SYDE2: variants seen among roughly 807,000 people sequenced by gnomAD.
The protein encoded by SYDE2 is synapse defective Rho GTPase homolog 2.
In SYDE2, 76 loss-of-function variants were observed where a neutral mutation model predicts 91.5. The observed-to-expected ratio is 0.83, with a 90% CI of 0.69 to 1.01. The LOEUF is 1.01. Ranked by LOEUF, SYDE2 falls within the 50% of genes least tolerant of loss-of-function variation. The probability of loss-of-function intolerance (pLI) is 0.00; values close to 1 mark genes in which losing one functional copy is unlikely to be tolerated. For synonymous variants in SYDE2, 513 were observed against 506.4 expected (o/e 1.01, Z -0.18); for missense variants, 1,364 against 1,367.7 (o/e 1.00, Z 0.04).
At position 85,182,435 on chromosome 1, in the gene SYDE2, A is replaced by AT. The variant is rs767032747; in HGVS notation, c.2206dup (p.Ile736AsnfsTer2). On this transcript the variant is annotated frameshift_variant, in exon 3 of 7. Coordinates refer to ENST00000341460, the MANE Select transcript of SYDE2 (RefSeq NM_032184.2). LOFTEE classifies it high-confidence loss of function. The stretch of plus-strand genomic sequence containing the variant: ...TAGTTTCAAATGTTGTGCATTTTCA[A>AT]TTTCTATGTTGAAAGTGTGATCCAT... 1 of 1,613,566 alleles carries AT rather than the reference A, an allele frequency of 6.2e-7. No individual in the cohort carries two copies. Among genetic ancestry groups the AT allele is most frequent in the Non-Finnish European group, 8.5e-7 (1 of 1,179,688 alleles).
At chr1:85,168,886 GC>G (rs1361443758) in intron 5 of SYDE2, among the ~76,000 whole-genome samples, 157 bp downstream of exon 5, 1 of 152,154 alleles carries the variant, frequency 6.6e-6, no homozygotes, top group Non-Finnish European at 1.5e-5. Flanking sequence ...TGTTTAAGAA[GC>G]TTTTACAGAC....
intron 2 of SYDE2, among the ~76,000 whole-genome samples, chr1:85,185,429 C>T (rs996122864): frequency 4.0e-5 from 6 of 151,828 alleles, no homozygotes; most frequent in Non-Finnish European, 7.4e-5. Context: ...ATTCTTCCTA[C>T]CCATGAGCAT....
intron 2 of SYDE2, among the ~76,000 whole-genome samples, chr1:85,189,410 G>GGGAA (rs1488067382): frequency 6.6e-6 from 1 of 152,170 alleles, no homozygotes; most frequent in Non-Finnish European, 1.5e-5. Flanking sequence ...CAGGCCAGGT[G>GGGAA]TGAATGAATG....
At position 85,200,605 on chromosome 1, in the gene SYDE2, C is replaced by T. The variant is rs2100702622; in HGVS notation, c.392G>A (p.Gly131Glu). 1 of 1,560,726 alleles carries T rather than the reference C, an allele frequency of 6.4e-7. No individual in the cohort carries two copies. Among genetic ancestry groups the T allele is most frequent in the Non-Finnish European group, 8.6e-7 (1 of 1,157,914 alleles). Residue 131 changes from glycine (G) to glutamate (E), a missense_variant, in exon 1 of 7, where the codon GGG (glycine) becomes GAG (glutamate). Coordinates refer to ENST00000341460, the MANE Select transcript of SYDE2 (RefSeq NM_032184.2). Reference sequence around the variant, plus strand: ...GGGTGCAGCCGCCCGGGCGCGGTCCCCACTCCAGCCGTCCATCCTGCCTCC... The same window carrying T: ...GGGTGCAGCCGCCCGGGCGCGGTCCTCACTCCAGCCGTCCATCCTGCCTCC... ...PRGGRMDGWS[G>E]DRARAAAPTG...
intron 2 of SYDE2, among the ~76,000 whole-genome samples, chr1:85,187,947 A>G (rs1447208481): frequency 1.3e-5 from 2 of 152,078 alleles, no homozygotes; most frequent in East Asian, 1.9e-4. Context: ...GCACATCAGC[A>G]TGGCACAAGT....
chr1:85,185,209 ATATT>A (rs1414748760), intron 2 of SYDE2, among the ~76,000 whole-genome samples: 2 of 147,734 alleles, frequency 1.4e-5, no homozygotes, highest in African/African-American at 4.9e-5. Flanking sequence ...TTAAATGTAA[ATATT>A]TAATATTTAT....
chr1:85,192,783 G>C (rs1292884999), intron 1 of SYDE2, among the ~76,000 whole-genome samples: 1 of 152,074 alleles, frequency 6.6e-6, no homozygotes, highest in Non-Finnish European at 1.5e-5. Flanking sequence ...TCAAATTTAA[G>C]CCTGTCTAAC....
At chr1:85,179,762 T>C (rs1461973816) in intron 3 of SYDE2, among the ~76,000 whole-genome samples, 1 of 152,182 alleles carries the variant, frequency 6.6e-6, no homozygotes, top group Admixed American at 6.5e-5. Context: ...AACTTGATTA[T>C]AGCCCTGCTG....
chr1:85,159,306 A>T, intron 6 of SYDE2, 57 bp from the exon 7 acceptor site: 1 of 738,350 alleles, frequency 1.4e-6, no homozygotes, highest in South Asian at 1.5e-5. Flanking sequence ...ACTTAAAAAA[A>T]AAACAGAGCT....
chr1:85,178,205 C>A lies in SYDE2; in HGVS notation c.2612G>T (p.Arg871Ile). The change falls in exon 4 of 7, where the codon AGA (arginine) becomes ATA (isoleucine). Residue 871 changes from arginine to isoleucine, a missense_variant. Coordinates refer to ENST00000341460, the MANE Select transcript of SYDE2 (RefSeq NM_032184.2). ...VKKELREAFERDSKAVGLCEN... is the reference protein window; with the variant it reads ...VKKELREAFEIDSKAVGLCEN... ...ACACAGACCAACAGCTTTGCTATCT[C>A]TCTCAAAAGCCTCTCGCAGTTCTTT... The A allele has an allele frequency of 6.3e-7, 1 of 1,587,092 alleles. No individual in the cohort carries two copies. Among genetic ancestry groups the A allele is most frequent in the Non-Finnish European group, 8.6e-7 (1 of 1,165,448 alleles).
chr1:85,174,269 ATTAT>A (rs1657608171), intron 4 of SYDE2, among the ~76,000 whole-genome samples: 1 of 152,208 alleles, frequency 6.6e-6, no homozygotes, highest in African/African-American at 2.4e-5. Flanking sequence ...AGACAGGGAC[ATTAT>A]TAATTAACTT....
In SYDE2 at chr1:85,164,634, G is replaced by C. The variant is rs1161243968; in HGVS notation, c.2977C>G (p.Pro993Ala). The C allele has an allele frequency of 5.0e-6, 8 of 1,601,734 alleles. No individual in the cohort carries two copies. The highest frequency in any genetic ancestry group is 6.8e-6 in the Non-Finnish European group (8 of 1,173,676). ...AAGACTCTGTTGTTATGGGTGGAAG[G>C]CTCTTGCCTCTGACTTAATAATACT... ...GPVLLSQRQEPSTHNNRVFTD... is the reference protein window; with the variant it reads ...GPVLLSQRQEASTHNNRVFTD... Residue 993 changes from proline to alanine, a missense_variant, in exon 6 of 7, where the codon CCT becomes GCT. Physicochemically the swap from Pro to Ala is conservative, Grantham distance 27. Transcript: ENST00000341460.
intron 1 of SYDE2, among the ~76,000 whole-genome samples, chr1:85,197,633 T>C (rs955361333): frequency 6.6e-5 from 10 of 152,054 alleles, no homozygotes; most frequent in Admixed American, 2.6e-4. Context: ...ATACAGCAAA[T>C]GCTTTTTTAA....
chr1:85,166,791 C>G (rs1054052510), intron 5 of SYDE2, among the ~76,000 whole-genome samples: 1 of 152,152 alleles, frequency 6.6e-6, no homozygotes, highest in Non-Finnish European at 1.5e-5. Flanking sequence ...TACACACACA[C>G]AGACACAAAC....
chr1:85,184,853 C>G (rs1247002861), intron 2 of SYDE2, among the ~76,000 whole-genome samples: 2 of 150,330 alleles, frequency 1.3e-5, no homozygotes, highest in Non-Finnish European at 1.5e-5. Flanking sequence ...TGCACTCCAC[C>G]CTGGGAAACA....
chr1:85,153,947 A>T (rs1656823746), downstream of SYDE2: 1 of 152,050 alleles, frequency 6.6e-6, no homozygotes, highest in Non-Finnish European at 1.5e-5. Flanking sequence ...TTGATACACT[A>T]TTTTCTCAAC....
chr1:85,186,518 A>G (rs1570265223), intron 2 of SYDE2, among the ~76,000 whole-genome samples: 1 of 152,102 alleles, frequency 6.6e-6, no homozygotes, highest in East Asian at 1.9e-4. Context: ...AAACTACTTT[A>G]AAGTTCATAT....
intron 1 of SYDE2, among the ~76,000 whole-genome samples, chr1:85,197,911 C>T (rs1055898184): frequency 6.6e-6 from 1 of 152,168 alleles, no homozygotes. Flanking sequence ...GCCTCGGCCT[C>T]CCAAAGTGCT....
intron 1 of SYDE2, among the ~76,000 whole-genome samples, chr1:85,196,915 T>C (rs1056588747): frequency 6.6e-6 from 1 of 152,168 alleles, no homozygotes; most frequent in African/African-American, 2.4e-5. Flanking sequence ...GTCTAAAAAT[T>C]TTAGACAAAA....
Sources: allele counts gnomAD v4.1 joint callset (sites outside exome capture counted in the v4.1 genomes callset), GRCh38; gene constraint gnomAD v4.1.1; transcripts MANE v1.5; gene names NCBI Gene and HGNC (gene_info 2026-07-23, HGNC 2026-07-21).